The following SEPTIN10 variants were observed in gnomAD, a reference collection of about 807,000 sequenced individuals.
The protein encoded by SEPTIN10 is septin-10.
In SEPTIN10, 66 loss-of-function variants were observed where a neutral mutation model predicts 54.8. The ratio of observed to expected loss-of-function variants is 1.21; its 90% CI spans 0.99 to 1.48. The LOEUF is 1.48. Among genes scored for constraint, SEPTIN10 ranks in the 40% most tolerant of loss-of-function variants. SEPTIN10 has a pLI of 0.00. For missense variants in SEPTIN10, 620 were observed against 545.6 expected (o/e 1.14, Z -1.36); for synonymous variants, 161 against 181.0 (o/e 0.89, Z 0.89).
intron 4 of SEPTIN10, among the ~76,000 whole-genome samples, chr2:109,583,627 T>G (rs1691747668): frequency 6.6e-6 from 1 of 152,088 alleles, no homozygotes; most frequent in Non-Finnish European, 1.5e-5. Flanking sequence ...ACCCAGCTAT[T>G]CCAACTTGGA....
rs559951086 is a variant in SEPTIN10, at chr2:109,602,433, T to G, written c.31-9314A>C. On this transcript the variant is annotated intron_variant, in intron 1 of 10. Coordinates refer to ENST00000397712, the MANE Select transcript of SEPTIN10 (RefSeq NM_144710.5). The stretch of plus-strand genomic sequence containing the variant: ...GCTCACGCCTGTAATGCCAGCACCT[T>G]GGGAGGCCAAGGCGGGTGGATCACC... 6.8e-4 allele frequency among the ~76,000 whole-genome samples: 104 copies of G among 152,238 alleles called. 1 individual carries two copies. The highest frequency in any genetic ancestry group is 2.5e-3 in the African/African-American group (102 of 41,552).
At chr2:109,610,546 G>C (rs1384328813) in intron 1 of SEPTIN10, among the ~76,000 whole-genome samples, 2 of 152,014 alleles carry the variant, frequency 1.3e-5, no homozygotes, top group Non-Finnish European at 2.9e-5. Context: ...GAAACCCTGT[G>C]TCTACTAAAA....
intron 2 of SEPTIN10, among the ~76,000 whole-genome samples, chr2:109,592,178 A>G (rs1479030914): frequency 6.6e-6 from 1 of 151,380 alleles, no homozygotes; most frequent in Non-Finnish European, 1.5e-5. Flanking sequence ...CAAAAAACAA[A>G]TAACGGCCGG....
intron 1 of SEPTIN10, among the ~76,000 whole-genome samples, chr2:109,603,502 G>C (rs1389528017): frequency 6.6e-6 from 1 of 152,044 alleles, no homozygotes; most frequent in African/African-American, 2.4e-5. Flanking sequence ...GCCTCCCAAA[G>C]AGCTGGGATT....
chr2:109,589,062 T>C (rs930118331), intron 2 of SEPTIN10, among the ~76,000 whole-genome samples: 15 of 151,748 alleles, frequency 9.9e-5, no homozygotes, highest in African/African-American at 2.9e-4. Flanking sequence ...TCTGGAGTAG[T>C]TGGGATTATA....
At chr2:109,592,293 C>T (rs540470231) in intron 2 of SEPTIN10, among the ~76,000 whole-genome samples, 90 of 151,216 alleles carry the variant, frequency 6.0e-4, no homozygotes, top group East Asian at 2.0e-3. Flanking sequence ...GGCAAAACCC[C>T]GTCTCTACTA....
At chr2:109,565,566 C>T (rs1265608597) in intron 7 of SEPTIN10, among the ~76,000 whole-genome samples, 197 bp downstream of exon 7, 2 of 152,008 alleles carry the variant, frequency 1.3e-5, no homozygotes, top group Non-Finnish European at 2.9e-5. Flanking sequence ...ACCGTGGGGG[C>T]GGGGGTAATG....
chr2:109,554,334 C>T (rs1444112675), intron 8 of SEPTIN10, among the ~76,000 whole-genome samples: 1 of 152,166 alleles, frequency 6.6e-6, no homozygotes, highest in Non-Finnish European at 1.5e-5. Flanking sequence ...TATTGTCCTA[C>T]ATTTGTGTAT....
At chr2:109,551,321 T>A (rs62151677) in intron 9 of SEPTIN10, among the ~76,000 whole-genome samples, 1 of 152,140 alleles carries the variant, frequency 6.6e-6, no homozygotes, top group Non-Finnish European at 1.5e-5. Context: ...TCCTTTAATA[T>A]AGAATTAAAT....
intron 9 of SEPTIN10, among the ~76,000 whole-genome samples, chr2:109,549,046 T>A (rs1682134581): frequency 6.6e-6 from 1 of 152,156 alleles, no homozygotes; most frequent in Non-Finnish European, 1.5e-5. Context: ...AAGCATCAGT[T>A]CCTTAGTATT....
intron 1 of SEPTIN10, chr2:109,613,001 T>G: frequency 2.1e-6 from 1 of 478,796 alleles, no homozygotes; most frequent in Non-Finnish European, 4.0e-6. Context: ...AGAGCTTTTG[T>G]TTACACAGAT....
intron 2 of SEPTIN10, among the ~76,000 whole-genome samples, chr2:109,589,339 C>T (rs112462060): frequency 0.017 from 2,512 of 152,056 alleles, 82 homozygotes; most frequent in African/African-American, 0.056. Flanking sequence ...TTGAAACCAA[C>T]CTGGCCAGCA....
At chr2:109,581,369 G>A (rs936577273) in intron 4 of SEPTIN10, among the ~76,000 whole-genome samples, 1 of 151,946 alleles carries the variant, frequency 6.6e-6, no homozygotes, top group African/African-American at 2.4e-5. Context: ...CCCAGGAGGC[G>A]GAGGTTGCAG....
At chr2:109,560,729 C>T (rs1345821949) in intron 8 of SEPTIN10, among the ~76,000 whole-genome samples, 1 of 152,142 alleles carries the variant, frequency 6.6e-6, no homozygotes, top group African/African-American at 2.4e-5. Flanking sequence ...CACAAAAAAG[C>T]TAGTCCTCCT....
chr2:109,547,813 G>A (rs942873866), intron 9 of SEPTIN10, among the ~76,000 whole-genome samples: 2 of 152,122 alleles, frequency 1.3e-5, no homozygotes, highest in South Asian at 2.1e-4. Context: ...GTAAGCACTC[G>A]ATAAATATTA....
intron 1 of SEPTIN10, among the ~76,000 whole-genome samples, chr2:109,597,691 A>G (rs2106066976): frequency 1.3e-5 from 2 of 152,370 alleles, no homozygotes; most frequent in African/African-American, 4.8e-5. Flanking sequence ...AATCCCATAC[A>G]GTAACTTAAC....
intron 1 of SEPTIN10, among the ~76,000 whole-genome samples, chr2:109,600,879 T>C (rs1696459117): frequency 6.6e-6 from 1 of 152,214 alleles, no homozygotes; most frequent in African/African-American, 2.4e-5. Flanking sequence ...ATTTGCTCCA[T>C]TTACCAGTTT....
chr2:109,610,496 C>T (rs972503749), intron 1 of SEPTIN10, among the ~76,000 whole-genome samples: 3 of 152,180 alleles, frequency 2.0e-5, no homozygotes, highest in African/African-American at 7.2e-5. Context: ...GGGTGGATCA[C>T]CTGAGGTTGG....
intron 1 of SEPTIN10, chr2:109,605,669 A>G (rs985420321): frequency 1.3e-5 from 2 of 152,212 alleles, no homozygotes; most frequent in Non-Finnish European, 2.9e-5. Flanking sequence ...ATAGCAAAAT[A>G]TGCAAATACA....
Sources: gnomAD v4.1 joint callset for allele counts (sites outside exome capture counted in the v4.1 genomes callset) on GRCh38, gnomAD v4.1.1 for gene constraint, MANE v1.5 for transcripts, NCBI Gene and HGNC (gene_info 2026-07-23, HGNC 2026-07-21) for gene names.